MECOM: variants seen among roughly 807,000 people sequenced by gnomAD.
MECOM encodes the protein MDS1 and EVI1 complex locus.
MECOM carries 13 observed loss-of-function variants against 116.3 expected under a neutral mutation model. The observed-to-expected ratio is 0.11, with a 90% CI of 0.07 to 0.18. The LOEUF (loss-of-function observed/expected upper bound fraction) is 0.18, where lower values mean the gene tolerates loss of function less well. MECOM is among the 10% of genes least tolerant of loss of function. The pLI is 1.00. For synonymous variants in MECOM, 528 were observed against 535.2 expected, an observed-to-expected ratio of 0.99 and a Z score of 0.19; for missense variants, 1,299 against 1,509.0, an observed-to-expected ratio of 0.86 and a Z score of 2.31.
At chr3:169,335,066 G>GT (rs1025682558) in intron 2 of MECOM, among the ~76,000 whole-genome samples, 3 of 152,132 alleles carry the variant, frequency 2.0e-5, no homozygotes, top group Admixed American at 2.0e-4. Flanking sequence ...ACAAAACGCA[G>GT]TTCATTTTTT....
At chr3:169,113,364 GT>G (rs66658073) in intron 8 of MECOM, among the ~76,000 whole-genome samples, 8,562 of 151,304 alleles carry the variant, frequency 0.057, 818 homozygotes, top group African/African-American at 0.2. Context: ...ACTCTTTGAG[GT>G]TCTCTCTCTC....
At position 169,495,133 on chromosome 3, in the gene MECOM, A is replaced by C. The variant is rs1753654595; in HGVS notation, c.38-113609T>G. On this transcript the variant is annotated intron_variant, in intron 1 of 16. Coordinates refer to ENST00000651503, the MANE Select transcript of MECOM (RefSeq NM_004991.4). ...ATCCTGATTCCATTCATCTTTTTTC[A>C]TCAGTGCTATTTTCCAACCCGTTAA... 2.0e-5 allele frequency among the ~76,000 whole-genome samples: 3 copies of C among 152,038 alleles called. No individual in the cohort carries two copies. In the South Asian group the frequency reaches 6.2e-4, roughly 32 times the overall value.
intron 1 of MECOM, among the ~76,000 whole-genome samples, chr3:169,596,634 T>A (rs924341494): frequency 1.3e-5 from 2 of 152,114 alleles, no homozygotes; most frequent in Non-Finnish European, 2.9e-5. Flanking sequence ...TGCAAGCAGT[T>A]TACCGCTCAC....
In MECOM at chr3:169,329,415, G is replaced by A. The variant is rs1349735619; in HGVS notation, c.375+51772C>T. Among the ~76,000 whole-genome samples, 6 of 152,168 alleles carry A rather than the reference G, an allele frequency of 3.9e-5. No individual in the cohort carries two copies. The East Asian group carries it at 1.2e-3, about 29-fold the overall frequency. On this transcript the variant is annotated intron_variant, in intron 2 of 16. Transcript: ENST00000651503. ...CCAAAGAAGAAGTCTCAAAATGCTT[G>A]GGACATTGTTACCTTCAAAACTATG...
At chr3:169,356,868 C>A (rs1002371665) in intron 2 of MECOM, among the ~76,000 whole-genome samples, 2 of 151,878 alleles carry the variant, frequency 1.3e-5, no homozygotes, top group Non-Finnish European at 2.9e-5. Flanking sequence ...CTAAGCTATT[C>A]TTTTCATTAT....
intron 1 of MECOM, among the ~76,000 whole-genome samples, chr3:169,430,375 T>C (rs1286257987): frequency 6.6e-6 from 1 of 152,170 alleles, no homozygotes; most frequent in African/African-American, 2.4e-5. Flanking sequence ...CTGGATGACA[T>C]AGTACTACAT....
intron 2 of MECOM, among the ~76,000 whole-genome samples, chr3:169,202,819 CAAAAAAAAAAAA>C (rs11287862): frequency 1.1e-5 from 1 of 90,282 alleles, no homozygotes; most frequent in Non-Finnish European, 2.3e-5. Flanking sequence ...TTGCCATTAG[CAAAAAAAAAAAA>C]AAAAAAAAAA....
intron 1 of MECOM, among the ~76,000 whole-genome samples, chr3:169,387,664 A>C (rs902461532): frequency 2.0e-5 from 3 of 152,218 alleles, no homozygotes; most frequent in Non-Finnish European, 1.5e-5. Flanking sequence ...GTTATTAAGA[A>C]GTTAATTATT....
chr3:169,584,435 A>G (rs6444865), intron 1 of MECOM, among the ~76,000 whole-genome samples: 52,794 of 150,422 alleles, frequency 0.35, 9,422 homozygotes, highest in Non-Finnish European at 0.39. Context: ...CGTGGTGGCG[A>G]GCGCCTGTAG....
chr3:169,096,077 A>T (rs1053037369), intron 12 of MECOM, among the ~76,000 whole-genome samples: 1 of 152,164 alleles, frequency 6.6e-6, no homozygotes, highest in African/African-American at 2.4e-5. Context: ...TCCTTTAGTC[A>T]TAAAATGAAA....
intron 1 of MECOM, among the ~76,000 whole-genome samples, chr3:169,506,410 G>T (rs57079578): frequency 0.1 from 15,613 of 151,898 alleles, 888 homozygotes; most frequent in Non-Finnish European, 0.12. Context: ...GAAATTTAGC[G>T]ACTTTCCTCT....
At chr3:169,385,785 G>A (rs767681926) in intron 1 of MECOM, among the ~76,000 whole-genome samples, 3 of 152,114 alleles carry the variant, frequency 2.0e-5, no homozygotes, top group Non-Finnish European at 4.4e-5. Flanking sequence ...CTTTCCCTCA[G>A]CTATAACTAT....
intron 14 of MECOM, among the ~76,000 whole-genome samples, chr3:169,091,650 A>T (rs1430911716): frequency 6.6e-6 from 1 of 151,934 alleles, no homozygotes; most frequent in Non-Finnish European, 1.5e-5. Flanking sequence ...CACACACACA[A>T]ATGGGCAAGT....
chr3:169,259,368 G>A (rs1378306590), intron 2 of MECOM, among the ~76,000 whole-genome samples: 2 of 152,046 alleles, frequency 1.3e-5, no homozygotes, highest in African/African-American at 2.4e-5. Context: ...CAGGCCTAAG[G>A]GCATCATTTA....
chr3:169,543,212 T>C (rs1576797285), intron 1 of MECOM, among the ~76,000 whole-genome samples: 1 of 152,328 alleles, frequency 6.6e-6, no homozygotes, highest in East Asian at 1.9e-4. Flanking sequence ...CCATGCCTTG[T>C]CCACCTGACT....
chr3:169,581,098 GCAT>G (rs1765071012), intron 1 of MECOM, among the ~76,000 whole-genome samples: 1 of 152,110 alleles, frequency 6.6e-6, no homozygotes, highest in Non-Finnish European at 1.5e-5. Context: ...ATCCCTTATA[GCAT>G]CATAACACAG....
intron 9 of MECOM, among the ~76,000 whole-genome samples, chr3:169,110,973 A>T (rs9845030): frequency 2.0e-5 from 3 of 152,132 alleles, no homozygotes; most frequent in African/African-American, 7.2e-5. Flanking sequence ...GTTAAAATAT[A>T]ACATATTTGC....
intron 3 of MECOM, among the ~76,000 whole-genome samples, chr3:169,142,968 A>G (rs1738589718): frequency 6.6e-6 from 1 of 151,966 alleles, no homozygotes; most frequent in Non-Finnish European, 1.5e-5. Flanking sequence ...ACAAAAATTA[A>G]TGGGCTGAAT....
chr3:169,123,928 T>C (rs1731933352), intron 5 of MECOM, among the ~76,000 whole-genome samples: 2 of 152,132 alleles, frequency 1.3e-5, no homozygotes, highest in Admixed American at 1.3e-4. Flanking sequence ...TCATTATTCC[T>C]AAAACTGGTA....
Sources: gnomAD v4.1 joint callset for allele counts (sites outside exome capture counted in the v4.1 genomes callset) on GRCh38, gnomAD v4.1.1 for gene constraint, MANE v1.5 for transcripts, NCBI Gene and HGNC (gene_info 2026-07-23, HGNC 2026-07-21) for gene names.